The following C13orf46 variants were observed in gnomAD, a reference collection of about 807,000 sequenced individuals.
C13orf46 encodes the protein chromosome 13 open reading frame 46, also known as uncharacterized protein C13orf46.
At chr13:113,972,996 C>T (rs559998147) in intron 1 of C13orf46, among the ~76,000 whole-genome samples, 25 of 152,334 alleles carry the variant, frequency 1.6e-4, no homozygotes, top group Non-Finnish European at 2.8e-4. Context: ...TCCCCACTTC[C>T]ACCCTTAGCG....
At chr13:113,959,473 A>C (rs1193325228) in intron 6 of C13orf46, among the ~76,000 whole-genome samples, 4 of 152,202 alleles carry the variant, frequency 2.6e-5, no homozygotes, top group Non-Finnish European at 5.9e-5. Flanking sequence ...TCCCAGTGGG[A>C]AATGAATCAT....
intron 2 of C13orf46, 67 bp downstream of exon 2, chr13:113,970,104 C>T (rs2138994109): frequency 6.6e-6 from 1 of 152,540 alleles, no homozygotes; most frequent in East Asian, 1.9e-4. Context: ...ACCCCACCCT[C>T]TCCTGTGTCC....
the C13orf46 span, among the ~76,000 whole-genome samples, chr13:113,942,680 G>A: frequency 4.7e-3 from 717 of 152,322 alleles, 5 homozygotes; most frequent in African/African-American, 0.016. Context: ...CAGGGGACTG[G>A]GTGTCTGGAT....
chr13:113,947,360 AC>A, the C13orf46 span, among the ~76,000 whole-genome samples: 1 of 151,994 alleles, frequency 6.6e-6, no homozygotes, highest in Non-Finnish European at 1.5e-5. Flanking sequence ...GGCCCAAAAG[AC>A]CCAGAACCCG....
chr13:113,962,392 T>C (rs2052594396), intron 6 of C13orf46, among the ~76,000 whole-genome samples: 1 of 151,884 alleles, frequency 6.6e-6, no homozygotes, highest in African/African-American at 2.4e-5. Flanking sequence ...GGCAACAGAG[T>C]GAGACTGTGT....
intron 5 of C13orf46, among the ~76,000 whole-genome samples, chr13:113,966,219 G>A (rs1386346046): frequency 6.8e-6 from 1 of 148,128 alleles, no homozygotes; most frequent in African/African-American, 2.5e-5. Context: ...GATTATAATG[G>A]TGGTGATGAT....
chr13:113,935,126 C>T, the C13orf46 span, among the ~76,000 whole-genome samples: 18 of 152,198 alleles, frequency 1.2e-4, no homozygotes, highest in Non-Finnish European at 2.5e-4. Context: ...CAGCACAGCC[C>T]GAGGGGGGGA....
At chr13:113,957,170 CCT>C (rs1275378718) in intron 6 of C13orf46, among the ~76,000 whole-genome samples, 1 of 151,002 alleles carries the variant, frequency 6.6e-6, no homozygotes, top group Admixed American at 6.6e-5. Context: ...GCATGCAACC[CCT>C]TTCATCAAGC....
At chr13:113,933,881 G>A in the C13orf46 span, among the ~76,000 whole-genome samples, 2 of 152,176 alleles carry the variant, frequency 1.3e-5, no homozygotes, top group Non-Finnish European at 2.9e-5. Context: ...TGGGCACCAC[G>A]CAAGTCACTG....
intron 1 of C13orf46, among the ~76,000 whole-genome samples, chr13:113,973,217 T>A (rs879677288): frequency 2.0e-5 from 3 of 152,160 alleles, no homozygotes; most frequent in Non-Finnish European, 4.4e-5. Flanking sequence ...CACGAGGAAA[T>A]TCCTTGTGAG....
intron 1 of C13orf46, among the ~76,000 whole-genome samples, chr13:113,970,770 T>C (rs955860802): frequency 2.6e-5 from 4 of 152,182 alleles, no homozygotes; most frequent in Non-Finnish European, 5.9e-5. Context: ...GCAGTCTTTT[T>C]TCGGGACCAC....
the C13orf46 span, chr13:113,927,649 A>G: frequency 1.0e-5 from 4 of 398,504 alleles, no homozygotes; most frequent in Non-Finnish European, 1.8e-5. Flanking sequence ...TCCTGCTCCA[A>G]TAAGACCAAG....
rs1326976182 is a variant in C13orf46 at position 113,954,777 on chromosome 13, C to CCAGCTGGTGGAGACGAGGAG, written c.*1976_*1995dup. Reference sequence around the variant, plus strand: ...CAGGGCAGGAAGGGGCTGGAGTCCTCCAGCTGGTGGAGACGAGGAGCAGCT... The same window carrying CCAGCTGGTGGAGACGAGGAG: ...CAGGGCAGGAAGGGGCTGGAGTCCTCCAGCTGGTGGAGACGAGGAGCAGCTGGTGGAGACGAGGAGCAGCT... On this transcript the variant is annotated 3_prime_UTR_variant, in exon 7 of 7. Coordinates refer to ENST00000636427, the MANE Select transcript of C13orf46 (RefSeq NM_001365455.2). 8.0e-4 allele frequency: 158 copies of CCAGCTGGTGGAGACGAGGAG among 198,394 alleles called. 1 individual carries two copies. In the Middle Eastern group the frequency reaches 8.8e-3, roughly 11 times the overall value. The allele number at this position is 198,394 out of a possible 1,614,324, so 12.3% of individuals were successfully genotyped here.
At chr13:113,929,266 G>C in the C13orf46 span, among the ~76,000 whole-genome samples, 1 of 152,232 alleles carries the variant, frequency 6.6e-6, no homozygotes, top group African/African-American at 2.4e-5. Context: ...CCCTCCTTCC[G>C]TCTGCCACCT....
the C13orf46 span, among the ~76,000 whole-genome samples, chr13:113,930,775 G>A: frequency 1.3e-5 from 2 of 152,214 alleles, no homozygotes; most frequent in African/African-American, 4.8e-5. Flanking sequence ...AAAGGGCCTG[G>A]ATTAGATGCG....
At chr13:113,968,432 T>A (rs1208433562) in intron 4 of C13orf46, 35 bp downstream of exon 4, 5 of 152,206 alleles carry the variant, frequency 3.3e-5, no homozygotes, top group Admixed American at 6.5e-5. Context: ...CAGGCCTCCC[T>A]TCTCACTTCT....
chr13:113,945,471 G>T, the C13orf46 span, among the ~76,000 whole-genome samples: 1 of 151,798 alleles, frequency 6.6e-6, no homozygotes, highest in East Asian at 1.9e-4. Context: ...CGTGAACCCT[G>T]GAGGCAGAGA....
chr13:113,967,638 C>T (rs2052663273), intron 4 of C13orf46, among the ~76,000 whole-genome samples: 1 of 152,144 alleles, frequency 6.6e-6, no homozygotes, highest in African/African-American at 2.4e-5. Flanking sequence ...GGCTTTCTCA[C>T]CCCTCCCTAC....
the C13orf46 span, among the ~76,000 whole-genome samples, chr13:113,939,351 A>G: frequency 6.7e-6 from 1 of 148,478 alleles, no homozygotes; most frequent in African/African-American, 2.6e-5. Flanking sequence ...GACAGAGACC[A>G]CCCGATGGGG....
Sources: allele counts gnomAD v4.1 joint callset (sites outside exome capture counted in the v4.1 genomes callset), GRCh38; gene constraint gnomAD v4.1.1; transcripts MANE v1.5; gene names NCBI Gene and HGNC (gene_info 2026-07-23, HGNC 2026-07-21).